The following CYLC2 variants were observed in gnomAD, a reference collection of about 807,000 sequenced individuals.
CYLC2 encodes the protein cylicin 2.
CYLC2 carries 30 observed loss-of-function variants against 26.1 expected under a neutral mutation model. The observed-to-expected ratio is 1.15, with a 90% CI of 0.86 to 1.56. CYLC2 has a LOEUF of 1.56. CYLC2 is among the 40% of genes most tolerant of loss of function. The pLI, the probability that CYLC2 is intolerant of heterozygous loss-of-function variation, is 0.00. For synonymous variants in CYLC2, 158 were observed against 132.8 expected (o/e 1.19, Z -1.31); for missense variants, 498 against 394.4 (o/e 1.26, Z -2.23).
intron 2 of CYLC2, among the ~76,000 whole-genome samples, chr9:103,002,283 G>C (rs1397509077): frequency 6.6e-6 from 1 of 151,264 alleles, no homozygotes; most frequent in African/African-American, 2.4e-5. Flanking sequence ...CCATTCTGTA[G>C]GCTTTTTGTC....
chr9:103,014,214 CAT>C (rs1564101001), intron 6 of CYLC2, among the ~76,000 whole-genome samples: 2 of 118,420 alleles, frequency 1.7e-5, no homozygotes, highest in African/African-American at 3.4e-5. Context: ...TTATATATCT[CAT>C]ATATAATATA....
At position 103,005,110 on chromosome 9, in the gene CYLC2, A is replaced by G; in HGVS notation, c.479A>G (p.Asp160Gly). The change falls in exon 5 of 8, where the codon GAT becomes GGT. Residue 160 changes from aspartate (D) to glycine (G), a missense_variant. Asp to Gly is a moderately conservative substitution (Grantham distance 94, BLOSUM62 -1). Transcript: ENST00000374798. ...GKEEKLDAKK[D>G]SKKGKKDAEK... ...GAAGAAAAGCTAGATGCAAAGAAAGATAGCAAAAAAGGTAAAAAGGATGCA... is the reference window on the plus strand; with the variant it reads ...GAAGAAAAGCTAGATGCAAAGAAAGGTAGCAAAAAAGGTAAAAAGGATGCA... 6.2e-7 allele frequency: 1 copy of G among 1,607,390 alleles called. No homozygotes were observed. Among genetic ancestry groups the G allele is most frequent in the Non-Finnish European group, 8.5e-7 (1 of 1,177,418 alleles).
chr9:103,004,653 T>C (rs1384235708), intron 3 of CYLC2, 42 bp from the exon 4 acceptor site: 2 of 1,387,810 alleles, frequency 1.4e-6, no homozygotes, highest in Non-Finnish European at 9.9e-7. Flanking sequence ...AACTGTGTTA[T>C]TCACTCACAA....
At chr9:103,011,084 C>A (rs1038923028) in intron 5 of CYLC2, among the ~76,000 whole-genome samples, 9 of 152,054 alleles carry the variant, frequency 5.9e-5, no homozygotes, top group Non-Finnish European at 5.9e-5. Context: ...TCTAACCCCT[C>A]CAAGATAAGG....
intron 6 of CYLC2, among the ~76,000 whole-genome samples, chr9:103,013,195 ACATATTAATGT>A (rs1564100348): frequency 3.8e-5 from 1 of 26,018 alleles, no homozygotes; most frequent in South Asian, 2.6e-3. Context: ...ATTATATATA[ACATATTAATGT>A]TATATATTAA....
intron 3 of CYLC2, among the ~76,000 whole-genome samples, chr9:103,004,284 T>C (rs578250822): frequency 6.6e-6 from 1 of 152,192 alleles, no homozygotes; most frequent in East Asian, 1.9e-4. Flanking sequence ...GAAAATAGAC[T>C]AAGATATGCC....
chr9:103,005,875 A>C lies in CYLC2; in HGVS notation c.*197A>C, dbSNP rs909505390. On this transcript the variant is annotated 3_prime_UTR_variant, in exon 5 of 8. Transcript: ENST00000374798. ...ATATATAAGAAAGATGTTAAGAAAA[A>C]TTAAGGGGGGATCCATTGAAAGACT... The C allele has an allele frequency of 1.0e-5, 6 of 571,634 alleles. No individual in the cohort carries two copies. Among genetic ancestry groups the C allele is most frequent in the Non-Finnish European group, 1.8e-5 (6 of 337,040 alleles). 35.4% of individuals were successfully genotyped at this position (571,634 alleles called of 1,614,324 possible). A position where few individuals can be genotyped will look rare whatever the true frequency, so the allele number is the denominator to read the frequency against.
intron 2 of CYLC2, 136 bp from the exon 3 acceptor site, chr9:103,003,006 C>T (rs1829303576): frequency 9.6e-7 from 1 of 1,037,308 alleles, no homozygotes; most frequent in Non-Finnish European, 1.4e-6. Context: ...AAATTGCAAA[C>T]ATTACCAAAT....
intron 5 of CYLC2, among the ~76,000 whole-genome samples, chr9:103,008,160 A>T (rs571012622): frequency 6.9e-6 from 1 of 144,834 alleles, no homozygotes; most frequent in East Asian, 2.1e-4. Context: ...CCTCTATAAA[A>T]AGGCCCTTAA....
In CYLC2 at chr9:103,000,015, T is replaced by TA. The variant is rs1829272503; in HGVS notation, c.18-1562dup. Among the ~76,000 whole-genome samples, 4 of 151,812 alleles carry TA rather than the reference T, an allele frequency of 2.6e-5. 1 individual carries two copies. The highest frequency in any genetic ancestry group is 2.6e-4 in the Admixed American group (4 of 15,228). The stretch of plus-strand genomic sequence containing the variant: ...TACTCCTCCTCTACTTCTTTTCTTA[T>TA]ATTGTTTTCCTAGTTTCAATGGAGA... On this transcript the variant is annotated intron_variant, in intron 1 of 7. Coordinates refer to ENST00000374798, the MANE Select transcript of CYLC2 (RefSeq NM_001340.5).
At chr9:102,996,745 T>C (rs967263934) in intron 1 of CYLC2, among the ~76,000 whole-genome samples, 5 of 151,984 alleles carry the variant, frequency 3.3e-5, no homozygotes, top group Non-Finnish European at 7.4e-5. Context: ...GCTATCAACT[T>C]GTATGTGATA....
At position 103,015,137 on chromosome 9, in the gene CYLC2, AACATGTATATCACGTGAT is replaced by A. The variant is rs1564101591; in HGVS notation, c.*817-1749_*817-1732del. Among the ~76,000 whole-genome samples the A allele has an allele frequency of 1.1e-3, 7 of 6,376 alleles. 1 individual carries two copies. The highest frequency in any genetic ancestry group is 1.4e-3 in the African/African-American group (3 of 2,198). The allele number at this position is 6,376 out of a possible 152,430, so 4.2% of individuals were successfully genotyped here. ...AACATGTATATCACGTGATATACATAACATGTATATCACGTGATATACATAACATGTATATCACGTGAT... is the reference window on the plus strand; with the variant it reads ...AACATGTATATCACGTGATATACATAATACATAACATGTATATCACGTGAT... On this transcript the variant is annotated intron_variant, in intron 6 of 7. Transcript: ENST00000374798.
chr9:103,009,591 T>C (rs527248987), intron 5 of CYLC2, among the ~76,000 whole-genome samples: 20 of 152,250 alleles, frequency 1.3e-4, no homozygotes, highest in African/African-American at 4.3e-4. Flanking sequence ...TATACTCTTA[T>C]AGTGATTTTT....
intron 6 of CYLC2, among the ~76,000 whole-genome samples, chr9:103,014,910 A>G (rs1485144987): frequency 7.2e-6 from 1 of 139,446 alleles, no homozygotes; most frequent in Non-Finnish European, 1.5e-5. Flanking sequence ...AATATATGTA[A>G]TATACATAAT....
In CYLC2 at chr9:103,005,665, A is replaced by G; in HGVS notation, c.1034A>G (p.Lys345Arg). ...AAGGATGAAAAGAAGGATGCAAAGA[A>G]GAAGGGCAAGTAGGCCTTGGATAAG... ...AKKDEKKDAKKKGK is the reference protein window; with the variant it reads ...AKKDEKKDAKRKGK Residue 345 changes from lysine to arginine, a missense_variant, in exon 5 of 8, where the codon AAG becomes AGG. Coordinates refer to ENST00000374798, the MANE Select transcript of CYLC2 (RefSeq NM_001340.5). The G allele has an allele frequency of 2.9e-5, 46 of 1,609,292 alleles. No homozygotes were observed. Among genetic ancestry groups the G allele is most frequent in the Non-Finnish European group, 3.9e-5 (46 of 1,178,464 alleles).
chr9:103,014,568 A>T (rs1829470185), intron 6 of CYLC2, among the ~76,000 whole-genome samples: 1 of 143,706 alleles, frequency 7.0e-6, no homozygotes, highest in Non-Finnish European at 1.5e-5. Flanking sequence ...CATCATATGT[A>T]TATTATGCAG....
intron 5 of CYLC2, among the ~76,000 whole-genome samples, chr9:103,010,958 T>C (rs1829400809): frequency 1.3e-5 from 2 of 151,998 alleles, no homozygotes. Flanking sequence ...TGTAAAACAC[T>C]GAAGTCAAAG....
At chr9:103,015,507 T>G (rs1829494149) in intron 6 of CYLC2, among the ~76,000 whole-genome samples, 1 of 140,960 alleles carries the variant, frequency 7.1e-6, no homozygotes, top group Admixed American at 7.6e-5. Context: ...CATATAAATA[T>G]ATATAATACA....
rs763582781 is a variant in CYLC2, at chr9:103,005,618, G to A, written c.987G>A (p.Lys329=). The A allele has an allele frequency of 1.9e-6, 3 of 1,612,692 alleles. No homozygotes were observed. The African/African-American group carries it at 4.0e-5, about 22-fold the overall frequency. The change falls in exon 5 of 8, where the codon AAG becomes AAA. Residue 329 remains lysine (K), a synonymous_variant. Transcript: ENST00000374798. ...AKKNAKKDAK[K]DAKKNAKKDE... ...AAAATGCTAAGAAGGATGCAAAGAA[G>A]GATGCAAAGAAGAATGCAAAGAAGG...
Sources: allele counts gnomAD v4.1 joint callset (sites outside exome capture counted in the v4.1 genomes callset), GRCh38; gene constraint gnomAD v4.1.1; transcripts MANE v1.5; gene names NCBI Gene and HGNC (gene_info 2026-07-23, HGNC 2026-07-21).